Variants in TIAM1 observed in about 807,000 individuals in gnomAD.
TIAM1 encodes the protein TIAM Rac1 associated GEF 1, also known as rho guanine nucleotide exchange factor TIAM1.
In TIAM1, 65 loss-of-function variants were observed where a neutral mutation model predicts 163.5. The observed-to-expected ratio is 0.40, with a 90% confidence interval of 0.33 to 0.49. TIAM1 has a LOEUF of 0.49. Ranked by LOEUF, TIAM1 falls within the 20% of genes least tolerant of loss-of-function variation. The pLI is 0.77. For synonymous variants in TIAM1, 833 were observed against 810.1 expected, an observed-to-expected ratio of 1.03 and a Z score of -0.48; for missense variants, 1,789 against 2,044.7, an observed-to-expected ratio of 0.87 and a Z score of 2.41.
intron 2 of TIAM1, among the ~76,000 whole-genome samples, chr21:31,357,822 C>A (rs963998755): frequency 4.6e-5 from 7 of 152,208 alleles, no homozygotes; most frequent in Non-Finnish European, 8.8e-5. Context: ...CTATCAGCAG[C>A]ATTTGACACC....
intron 2 of TIAM1, among the ~76,000 whole-genome samples, chr21:31,459,225 C>T (rs2045231726): frequency 6.6e-6 from 1 of 152,174 alleles, no homozygotes; most frequent in South Asian, 2.1e-4. Context: ...GATCCTCCCA[C>T]CTCAGCCTCC....
chr21:31,471,971 T>G (rs2045758975), intron 1 of TIAM1, among the ~76,000 whole-genome samples: 1 of 138,618 alleles, frequency 7.2e-6, no homozygotes, highest in Non-Finnish European at 1.6e-5. Context: ...CAGGGAGCCC[T>G]ACAATGATCT....
chr21:31,455,172 G>C (rs1387399600), intron 2 of TIAM1, among the ~76,000 whole-genome samples: 1 of 151,240 alleles, frequency 6.6e-6, no homozygotes, highest in Non-Finnish European at 1.5e-5. Context: ...CCAGATACTT[G>C]GGTGGCTGAG....
rs548746885 is a variant in TIAM1, at chr21:31,351,551, A to G, written c.-368-12129T>C. ...TGGCTAAGCTCCAGACAAGCAAGCA[A>G]GGGGCCCAGAGACCTGGGAGGGAGG... On this transcript the variant is annotated intron_variant, in intron 2 of 28. Coordinates refer to the TIAM1 transcript ENST00000286827. Among the ~76,000 whole-genome samples, 293 of 152,286 alleles carry G rather than the reference A, an allele frequency of 1.9e-3. 1 individual carries two copies. Among genetic ancestry groups the G allele is most frequent in the Middle Eastern group, 6.8e-3 (2 of 294 alleles).
chr21:31,458,788 T>C (rs567425321), intron 2 of TIAM1, among the ~76,000 whole-genome samples: 1 of 152,264 alleles, frequency 6.6e-6, no homozygotes, highest in Admixed American at 6.5e-5. Context: ...GGGCTGCTAC[T>C]TCAGCTTAGG....
chr21:31,358,405 G>C (rs1006143646), intron 2 of TIAM1, among the ~76,000 whole-genome samples: 1 of 152,076 alleles, frequency 6.6e-6, no homozygotes, highest in African/African-American at 2.4e-5. Flanking sequence ...TCTCATGACT[G>C]CGAATACTTT....
At chr21:31,295,402 G>A (rs551557026) in intron 2 of TIAM1, among the ~76,000 whole-genome samples, 33 of 147,812 alleles carry the variant, frequency 2.2e-4, no homozygotes, top group Admixed American at 1.7e-3. Context: ...CCCAGGAGGC[G>A]GAGCTTGCAG....
At chr21:31,228,236 A>ATCTGATAAGGATTTTTCCTTT (rs1256922561) in intron 6 of TIAM1, among the ~76,000 whole-genome samples, 1 of 45,978 alleles carries the variant, frequency 2.2e-5, no homozygotes, top group African/African-American at 4.3e-5. Context: ...AAAAAAAAAA[A>ATCTGATAAGGATTTTTCCTTT]AAAAAAAAAA....
Position 31,469,139 on chromosome 21 carries a change from G to A in TIAM1, c.-421-5104C>T, listed in dbSNP as rs796240871. The stretch of plus-strand genomic sequence containing the variant: ...ATTCTGTCACCCAGGCTGGAGTACA[G>A]TGGCACGATCATAGTTCACTGCAGC... On this transcript the variant is annotated intron_variant, in intron 1 of 28. Coordinates refer to the TIAM1 transcript ENST00000286827. Among the ~76,000 whole-genome samples the A allele has an allele frequency of 1.6e-4, 22 of 139,240 alleles. 1 individual carries two copies. The highest frequency in any genetic ancestry group is 5.9e-4 in the African/African-American group (22 of 37,042). The allele number at this position is 139,240 out of a possible 152,430, so 91.3% of individuals were successfully genotyped here. A position where few individuals can be genotyped will look rare whatever the true frequency, so the allele number is the denominator to read the frequency against.
intron 2 of TIAM1, among the ~76,000 whole-genome samples, chr21:31,386,828 T>G (rs905762277): frequency 2.6e-5 from 4 of 152,216 alleles, no homozygotes; most frequent in Non-Finnish European, 5.9e-5. Flanking sequence ...TTGCTATTGT[T>G]AAAAGAATAA....
At chr21:31,438,350 C>T (rs1024095777) in intron 2 of TIAM1, among the ~76,000 whole-genome samples, 2 of 151,720 alleles carry the variant, frequency 1.3e-5, no homozygotes, top group Admixed American at 6.6e-5. Flanking sequence ...TGCCACCATG[C>T]CCAGCTAATT....
At chr21:31,133,966 A>G (rs61550741) in intron 23 of TIAM1, among the ~76,000 whole-genome samples, 17,444 of 151,886 alleles carry the variant, frequency 0.11, 1,523 homozygotes, top group African/African-American at 0.25. Flanking sequence ...TACTCGGGAG[A>G]CTGAGACAGG....
intron 3 of TIAM1, among the ~76,000 whole-genome samples, chr21:31,268,784 A>C (rs2072914882): frequency 6.6e-6 from 1 of 152,250 alleles, no homozygotes; most frequent in African/African-American, 2.4e-5. Flanking sequence ...AGAATGGTAC[A>C]TGCTACATTT....
intron 15 of TIAM1, among the ~76,000 whole-genome samples, chr21:31,169,294 AAATAAT>A (rs146494866): frequency 6.6e-6 from 1 of 150,936 alleles, no homozygotes; most frequent in African/African-American, 2.4e-5. Context: ...ACTCCGTCTC[AAATAAT>A]AATAATAATA....
chr21:31,252,319 C>G, intron 4 of TIAM1, 130 bp from the exon 5 acceptor site: 2 of 938,672 alleles, frequency 2.1e-6, no homozygotes, highest in South Asian at 3.2e-5. Flanking sequence ...CACAGCCACT[C>G]CTGACGGCTC....
At chr21:31,425,136 T>A (rs2043738780) in intron 2 of TIAM1, among the ~76,000 whole-genome samples, 1 of 152,026 alleles carries the variant, frequency 6.6e-6, no homozygotes, top group South Asian at 2.1e-4. Context: ...AAATAAACAA[T>A]TTTTTTAAAT....
At chr21:31,435,911 G>A (rs1228009471) in intron 2 of TIAM1, among the ~76,000 whole-genome samples, 3 of 152,180 alleles carry the variant, frequency 2.0e-5, no homozygotes, top group Non-Finnish European at 2.9e-5. Context: ...CAGCAAGAAG[G>A]CCCTCACCAG....
At position 31,197,636 on chromosome 21, in the gene TIAM1, TG is replaced by T. The variant is rs572058219; in HGVS notation, c.2494-2332del. On this transcript the variant is annotated intron_variant, in intron 12 of 27. Coordinates refer to ENST00000541036, the MANE Select transcript of TIAM1 (RefSeq NM_001353694.2). ...CGCCCGCCTCAGCCTCCCAAAGTGC[TG>T]GGATTACAGGCGTGAGCCACCGCGC... Among the ~76,000 whole-genome samples the T allele has an allele frequency of 1.7e-3, 251 of 151,558 alleles. 2 individuals are homozygous for T. Among genetic ancestry groups the T allele is most frequent in the African/African-American group, 5.8e-3 (240 of 41,272 alleles).
intron 27 of TIAM1, 141 bp downstream of exon 27, chr21:31,124,381 A>T: frequency 1.6e-6 from 2 of 1,249,480 alleles, no homozygotes; most frequent in East Asian, 2.9e-5. Flanking sequence ...AAGGAACCTC[A>T]CACCAGGGAA....
Sources: gnomAD v4.1 joint callset for allele counts (sites outside exome capture counted in the v4.1 genomes callset) on GRCh38, gnomAD v4.1.1 for gene constraint, MANE v1.5 for transcripts, NCBI Gene and HGNC (gene_info 2026-07-23, HGNC 2026-07-21) for gene names.